PRPSAP2: variants seen among roughly 807,000 people sequenced by gnomAD.
The protein encoded by PRPSAP2 is phosphoribosyl pyrophosphate synthetase associated protein 2.
Under a neutral mutation model 40.6 loss-of-function variants are expected in PRPSAP2, and 24 were observed. The ratio of observed to expected loss-of-function variants is 0.59; its 90% confidence interval spans 0.43 to 0.83. PRPSAP2 has a LOEUF of 0.83. Ranked by LOEUF, PRPSAP2 falls within the 40% of genes least tolerant of loss-of-function variation. The pLI is 0.00. For missense variants in PRPSAP2, 292 were observed against 465.6 expected (o/e 0.63, Z 3.43); for synonymous variants, 149 against 164.7 (o/e 0.90, Z 0.73).
chr17:18,903,469 C>CA (rs1344940127), intron 8 of PRPSAP2, among the ~76,000 whole-genome samples: 18 of 152,142 alleles, frequency 1.2e-4, no homozygotes, highest in Admixed American at 3.3e-4. Context: ...CTCGATGGCT[C>CA]ACACCTGTAA....
chr17:18,880,448 G>A (rs2038649068), intron 6 of PRPSAP2, among the ~76,000 whole-genome samples: 1 of 152,046 alleles, frequency 6.6e-6, no homozygotes, highest in African/African-American at 2.4e-5. Context: ...GCCCGGGCTG[G>A]GGTGCAGTGG....
chr17:18,908,128 C>T (rs7222519), intron 8 of PRPSAP2, among the ~76,000 whole-genome samples: 70 of 152,054 alleles, frequency 4.6e-4, no homozygotes, highest in African/African-American at 1.6e-3. Flanking sequence ...CACTGCACTC[C>T]AGCCTGGGCG....
intron 5 of PRPSAP2, among the ~76,000 whole-genome samples, chr17:18,873,386 A>G (rs764982124): frequency 1.3e-5 from 2 of 151,866 alleles, no homozygotes; most frequent in Non-Finnish European, 2.9e-5. Context: ...TTGTGTTTCT[A>G]GTAGAGACAG....
chr17:18,904,011 A>C (rs904899243), intron 8 of PRPSAP2, among the ~76,000 whole-genome samples: 2 of 152,134 alleles, frequency 1.3e-5, no homozygotes, highest in African/African-American at 4.8e-5. Context: ...ATCAATGTAG[A>C]AGTCAGACTG....
intron 8 of PRPSAP2, among the ~76,000 whole-genome samples, chr17:18,893,309 C>T (rs984915991): frequency 4.0e-5 from 6 of 151,868 alleles, no homozygotes; most frequent in East Asian, 1.9e-4. Context: ...CCACCACACC[C>T]GGCTAATTTT....
chr17:18,894,587 C>A (rs1369178966), intron 8 of PRPSAP2, among the ~76,000 whole-genome samples: 1 of 149,150 alleles, frequency 6.7e-6, no homozygotes. Flanking sequence ...TTAAGCAATT[C>A]TCTGCCTCAC....
Position 18,913,541 on chromosome 17 carries a change from C to CTTTT in PRPSAP2, c.733+2312_733+2315dup, listed in dbSNP as rs35697920. Reference sequence around the variant, plus strand: ...CTGTCTTGATGAATAGCGTCTGGTTCTTTTTTTTTTTTTTTTTTTTTTTTT... The same window carrying CTTTT: ...CTGTCTTGATGAATAGCGTCTGGTTCTTTTTTTTTTTTTTTTTTTTTTTTTTTTT... On this transcript the variant is annotated intron_variant, in intron 9 of 11. Transcript: ENST00000268835. Among the ~76,000 whole-genome samples, 583 of 73,946 alleles carry CTTTT rather than the reference C, an allele frequency of 7.9e-3. 28 individuals are homozygous for CTTTT. Among genetic ancestry groups the CTTTT allele is most frequent in the African/African-American group, 0.012 (213 of 17,950 alleles). 48.5% of individuals were successfully genotyped at this position (73,946 alleles called of 152,430 possible). A position where few individuals can be genotyped will look rare whatever the true frequency, so the allele number is the denominator to read the frequency against.
intron 8 of PRPSAP2, among the ~76,000 whole-genome samples, chr17:18,892,737 A>ATTTTTTTTT (rs1164343157): frequency 1.7e-5 from 1 of 57,804 alleles, no homozygotes; most frequent in Admixed American, 1.7e-4. Context: ...GTATTTATTT[A>ATTTTTTTTT]TTTATTTATT....
intron 8 of PRPSAP2, among the ~76,000 whole-genome samples, chr17:18,897,811 T>C (rs2040006455): frequency 6.6e-6 from 1 of 151,922 alleles, no homozygotes; most frequent in South Asian, 2.1e-4. Context: ...TAATAGTTGT[T>C]CTAAGTATTT....
rs749621665 is a variant in PRPSAP2 at position 18,928,929 on chromosome 17, G to A, written c.923G>A (p.Arg308Gln). 8 of 1,613,946 alleles carry A rather than the reference G, an allele frequency of 5.0e-6. No individual in the cohort carries two copies. The highest frequency in any genetic ancestry group is 2.2e-5 in the South Asian group (2 of 91,072). The change falls in exon 11 of 12, where the codon CGG (arginine) becomes CAG (glutamine). Residue 308 changes from arginine to glutamine, a missense_variant. This residue lies in a region of PRPSAP2 where 241 missense variants were observed against 425.7 expected (regional missense o/e 0.57). Coordinates refer to ENST00000268835, the MANE Select transcript of PRPSAP2 (RefSeq NM_002767.4). Reference sequence around the variant, plus strand: ...GGCTTGTTGTCTTCTGACGCCCCCCGGCGGATTGAAGAGTCTGCCATTGAT... The same window carrying A: ...GGCTTGTTGTCTTCTGACGCCCCCCAGCGGATTGAAGAGTCTGCCATTGAT... ...THGLLSSDAPRRIEESAIDEV... is the reference protein window; with the variant it reads ...THGLLSSDAPQRIEESAIDEV...
At chr17:18,896,503 C>T (rs150140191) in intron 8 of PRPSAP2, among the ~76,000 whole-genome samples, 2 of 151,516 alleles carry the variant, frequency 1.3e-5, no homozygotes, top group Non-Finnish European at 2.9e-5. Context: ...CAGGTCCTTC[C>T]TGGGTAAGCG....
At chr17:18,860,563 A>C (rs1055311698) in intron 1 of PRPSAP2, 1 of 152,216 alleles carries the variant, frequency 6.6e-6, no homozygotes, top group Non-Finnish European at 1.5e-5. Flanking sequence ...TCTTTTTACC[A>C]AGGTTATATC....
At position 18,909,240 on chromosome 17, in the gene PRPSAP2, CTT is replaced by C. The variant is rs71155371; in HGVS notation, c.585-1845_585-1844del. On this transcript the variant is annotated intron_variant, in intron 8 of 11. Transcript: ENST00000268835. ...TAACCACTTTGGAAAACAGTGTGGCCTTTTTTTTTTTTTTTTTTTGAGATGGA... is the reference window on the plus strand; with the variant it reads ...TAACCACTTTGGAAAACAGTGTGGCCTTTTTTTTTTTTTTTTTGAGATGGA... Among the ~76,000 whole-genome samples the C allele has an allele frequency of 8.3e-3, 795 of 95,948 alleles. 4 individuals carry two copies. The highest frequency in any genetic ancestry group is 0.025 in the African/African-American group (663 of 26,012). 62.9% of individuals were successfully genotyped at this position (95,948 alleles called of 152,430 possible).
intron 8 of PRPSAP2, among the ~76,000 whole-genome samples, chr17:18,910,537 GT>G (rs72299752): frequency 0.18 from 27,300 of 152,148 alleles, 2,688 homozygotes; most frequent in African/African-American, 0.25. Flanking sequence ...GCAACACTTA[GT>G]GAAAAATCAC....
intron 6 of PRPSAP2, among the ~76,000 whole-genome samples, chr17:18,881,685 G>A (rs1350258258): frequency 2.0e-5 from 3 of 151,704 alleles, no homozygotes; most frequent in Non-Finnish European, 4.4e-5. Flanking sequence ...CTACAGATGT[G>A]CGCCACCATG....
intron 7 of PRPSAP2, among the ~76,000 whole-genome samples, chr17:18,884,475 G>A (rs1339515735): frequency 2.0e-5 from 3 of 151,994 alleles, no homozygotes; most frequent in African/African-American, 7.3e-5. Context: ...GAGTAGCTGA[G>A]ACTAGAGGTG....
intron 7 of PRPSAP2, among the ~76,000 whole-genome samples, chr17:18,888,034 G>C (rs1323831078): frequency 1.9e-5 from 1 of 52,786 alleles, no homozygotes; most frequent in African/African-American, 8.3e-5. Flanking sequence ...TGAGATTAGG[G>C]ATTGGTGATG....
At chr17:18,884,515 A>C (rs9914544) in intron 7 of PRPSAP2, among the ~76,000 whole-genome samples, 52,196 of 151,794 alleles carry the variant, frequency 0.34, 9,190 homozygotes, top group Non-Finnish European at 0.39. Context: ...TTTTTAAAAA[A>C]TATTTCCAGA....
intron 8 of PRPSAP2, among the ~76,000 whole-genome samples, chr17:18,903,223 A>AAACCCC (rs2040389023): frequency 4.8e-5 from 7 of 146,650 alleles, no homozygotes; most frequent in African/African-American, 1.9e-4. Context: ...AGGTCAGGAG[A>AAACCCC]ATTGCTTGAA....
Sources: allele counts gnomAD v4.1 joint callset (sites outside exome capture counted in the v4.1 genomes callset), GRCh38; gene constraint gnomAD v4.1.1; regional missense constraint gnomAD v4.1.1; transcripts MANE v1.5; gene names NCBI Gene and HGNC (gene_info 2026-07-23, HGNC 2026-07-21).